The following EYA1 variants were observed in gnomAD, a reference collection of about 807,000 sequenced individuals.
The protein encoded by EYA1 is protein phosphatase EYA1.
Under a neutral mutation model 82.0 loss-of-function variants are expected in EYA1, and 16 were observed. The observed-to-expected ratio is 0.20, with a 90% CI of 0.13 to 0.30. EYA1 has a LOEUF of 0.30. EYA1 is among the 10% of genes least tolerant of loss of function. The pLI, the probability that EYA1 is intolerant of heterozygous loss-of-function variation, is 1.00. For synonymous variants in EYA1, 261 were observed against 264.4 expected (o/e 0.99, Z 0.12); for missense variants, 633 against 730.7 (o/e 0.87, Z 1.54).
chr8:71,267,077 C>A (rs1815925938), intron 11 of EYA1, among the ~76,000 whole-genome samples: 1 of 152,192 alleles, frequency 6.6e-6, no homozygotes. Context: ...CACTACCATT[C>A]ATTCTTCACA....
intron 2 of EYA1, among the ~76,000 whole-genome samples, chr8:71,399,420 T>C (rs1448670376): frequency 6.6e-6 from 1 of 152,160 alleles, no homozygotes; most frequent in Non-Finnish European, 1.5e-5. Context: ...CTCCTCCTGC[T>C]TATGTCTCAA....
intron 1 of EYA1, among the ~76,000 whole-genome samples, chr8:71,547,091 T>C (rs924213750): frequency 7.8e-6 from 1 of 128,310 alleles, no homozygotes; most frequent in African/African-American, 2.9e-5. Flanking sequence ...ACAGAAATAA[T>C]AATTCTCCGA....
chr8:71,518,361 G>A (rs982096334), intron 2 of EYA1, among the ~76,000 whole-genome samples: 4 of 151,962 alleles, frequency 2.6e-5, no homozygotes, highest in Non-Finnish European at 5.9e-5. Flanking sequence ...CTTTTCCAAC[G>A]TCTATTTCTC....
intron 2 of EYA1, among the ~76,000 whole-genome samples, chr8:71,524,173 A>T (rs1003089577): frequency 1.3e-5 from 2 of 152,254 alleles, no homozygotes; most frequent in African/African-American, 4.8e-5. Context: ...AACATTTTTC[A>T]GATACATAAT....
intron 2 of EYA1, among the ~76,000 whole-genome samples, chr8:71,519,193 C>A (rs371016617): frequency 1.0e-3 from 159 of 152,252 alleles, no homozygotes; most frequent in African/African-American, 3.5e-3. Context: ...ACATTTGTTA[C>A]ACCTAGACAG....
At chr8:71,499,033 A>G (rs1172575004) in intron 2 of EYA1, among the ~76,000 whole-genome samples, 1 of 152,202 alleles carries the variant, frequency 6.6e-6, no homozygotes, top group East Asian at 1.9e-4. Flanking sequence ...AATTCTACAC[A>G]GAATGGGCTG....
chr8:71,234,814 A>C (rs548020689), intron 12 of EYA1, among the ~76,000 whole-genome samples: 3 of 152,078 alleles, frequency 2.0e-5, no homozygotes, highest in Admixed American at 1.3e-4. Flanking sequence ...CCAAACCTGT[A>C]TGTCTACCTG....
chr8:71,528,284 G>C (rs867624512), intron 2 of EYA1, among the ~76,000 whole-genome samples: 1 of 152,190 alleles, frequency 6.6e-6, no homozygotes, highest in Non-Finnish European at 1.5e-5. Flanking sequence ...CAGAACACAA[G>C]ATATTGGCCA....
chr8:71,358,929 T>G (rs181117135), intron 1 of EYA1, among the ~76,000 whole-genome samples: 1 of 152,312 alleles, frequency 6.6e-6, no homozygotes, highest in Non-Finnish European at 1.5e-5. Context: ...GTTCACATTT[T>G]CTGCTTTACA....
At chr8:71,395,747 A>T (rs192337473) in intron 2 of EYA1, among the ~76,000 whole-genome samples, 1 of 152,092 alleles carries the variant, frequency 6.6e-6, no homozygotes, top group African/African-American at 2.4e-5. Context: ...TTGGTGTAAA[A>T]TTCTCTTTTT....
intron 12 of EYA1, among the ~76,000 whole-genome samples, chr8:71,222,318 A>G (rs1810024246): frequency 7.5e-6 from 1 of 134,074 alleles, no homozygotes; most frequent in Non-Finnish European, 1.6e-5. Flanking sequence ...ATTATGTGGA[A>G]GAACTAGGGC....
intron 2 of EYA1, among the ~76,000 whole-genome samples, chr8:71,459,254 C>T (rs190378944): frequency 6.6e-5 from 10 of 152,286 alleles, no homozygotes; most frequent in Middle Eastern, 3.4e-3. Flanking sequence ...TAGAAGTTGA[C>T]GGTGGCCAAA....
intron 2 of EYA1, among the ~76,000 whole-genome samples, chr8:71,385,915 TC>T (rs951992166): frequency 6.6e-6 from 1 of 152,190 alleles, no homozygotes; most frequent in Non-Finnish European, 1.5e-5. Flanking sequence ...GGTGTGGTTC[TC>T]ATTAGCACTA....
chr8:71,448,035 G>A (rs1461757520), intron 2 of EYA1, among the ~76,000 whole-genome samples: 8 of 49,490 alleles, frequency 1.6e-4, no homozygotes, highest in African/African-American at 3.5e-4. Context: ...TTCTCGCTCC[G>A]TTGCCCAGGC....
chr8:71,366,877 A>G (rs1827787819), upstream of EYA1, among the ~76,000 whole-genome samples: 1 of 152,322 alleles, frequency 6.6e-6, no homozygotes, highest in Middle Eastern at 3.4e-3. Flanking sequence ...GATAGCCCAT[A>G]AAGTTAATAA....
intron 2 of EYA1, among the ~76,000 whole-genome samples, chr8:71,471,307 T>C (rs930264838): frequency 6.6e-6 from 1 of 152,098 alleles, no homozygotes; most frequent in East Asian, 1.9e-4. Flanking sequence ...GTAATCCTTA[T>C]TAAAATATGA....
chr8:71,258,426 G>A (rs1477135209), intron 11 of EYA1, among the ~76,000 whole-genome samples: 1 of 152,144 alleles, frequency 6.6e-6, no homozygotes, highest in Non-Finnish European at 1.5e-5. Flanking sequence ...TTACTTCATG[G>A]ATGTTTTTAA....
At chr8:71,372,168 C>T (rs904528148) in intron 2 of EYA1, among the ~76,000 whole-genome samples, 6 of 152,044 alleles carry the variant, frequency 3.9e-5, no homozygotes, top group African/African-American at 7.2e-5. Context: ...TTTCAGAATA[C>T]GAAAAAGATG....
intron 2 of EYA1, among the ~76,000 whole-genome samples, chr8:71,469,323 G>C (rs915052974): frequency 6.6e-6 from 1 of 152,064 alleles, no homozygotes; most frequent in South Asian, 2.1e-4. Context: ...AGTCAAAGGT[G>C]TATGCAAGCC....
Sources: gnomAD v4.1 joint callset for allele counts (sites outside exome capture counted in the v4.1 genomes callset) on GRCh38, gnomAD v4.1.1 for gene constraint, MANE v1.5 for transcripts, NCBI Gene and HGNC (gene_info 2026-07-23, HGNC 2026-07-21) for gene names.